The following ZNRF2 variants were observed in gnomAD, a reference collection of about 807,000 sequenced individuals.
ZNRF2 encodes zinc and ring finger 2, also known as E3 ubiquitin-protein ligase ZNRF2.
In ZNRF2, 16 loss-of-function variants were observed where a neutral mutation model predicts 20.4. The ratio of observed to expected loss-of-function variants is 0.79; its 90% CI spans 0.53 to 1.19. The LOEUF is 1.19. Ranked by LOEUF, ZNRF2 falls within the 50% of genes most tolerant of loss-of-function variation. The pLI, the probability that ZNRF2 is intolerant of heterozygous loss-of-function variation, is 0.00. For missense variants in ZNRF2, 363 were observed against 332.4 expected (o/e 1.09, Z -0.72); for synonymous variants, 178 against 144.9 (o/e 1.23, Z -1.64).
intron 2 of ZNRF2, among the ~76,000 whole-genome samples, chr7:30,329,904 C>CTAA (rs1384866727): frequency 6.6e-6 from 1 of 152,170 alleles, no homozygotes; most frequent in Non-Finnish European, 1.5e-5. Context: ...AATGGCTGTA[C>CTAA]TAATTTACAT....
At chr7:30,326,067 G>A (rs1486540129) in intron 2 of ZNRF2, among the ~76,000 whole-genome samples, 1 of 151,884 alleles carries the variant, frequency 6.6e-6, no homozygotes, top group African/African-American at 2.4e-5. Flanking sequence ...CACAGTCTTA[G>A]TATTCTGTAT....
At chr7:30,358,269 C>G (rs1800071153) in intron 3 of ZNRF2, among the ~76,000 whole-genome samples, 1 of 151,664 alleles carries the variant, frequency 6.6e-6, no homozygotes, top group African/African-American at 2.4e-5. Flanking sequence ...CATATTGCAA[C>G]AAGAAAAAAG....
chr7:30,360,255 G>A (rs1012679383), intron 3 of ZNRF2, among the ~76,000 whole-genome samples: 2 of 152,054 alleles, frequency 1.3e-5, no homozygotes, highest in Non-Finnish European at 2.9e-5. Flanking sequence ...ATTTGAAACA[G>A]TGTGATTAGT....
At chr7:30,346,792 T>A (rs1799886654) in intron 2 of ZNRF2, among the ~76,000 whole-genome samples, 1 of 152,114 alleles carries the variant, frequency 6.6e-6, no homozygotes, top group Non-Finnish European at 1.5e-5. Flanking sequence ...CTAGTATTTC[T>A]TTGATTGTTT....
rs139636709 is a variant in ZNRF2 at position 30,326,349 on chromosome 7, C to T, written c.565+2612C>T. Among the ~76,000 whole-genome samples the T allele has an allele frequency of 7.9e-5, 12 of 152,306 alleles. No individual in the cohort carries two copies. The East Asian group carries it at 2.3e-3, about 29-fold the overall frequency. ...TCCCCTCTTTGTGTCCATGTGCTCT[C>T]ATCATTTAGCTCCCACTTACAAGTG... On this transcript the variant is annotated intron_variant, in intron 2 of 4. Transcript: ENST00000323037.
chr7:30,327,051 G>A (rs900608696), intron 2 of ZNRF2, among the ~76,000 whole-genome samples: 1 of 151,900 alleles, frequency 6.6e-6, no homozygotes, highest in East Asian at 1.9e-4. Context: ...CAGATGCTTC[G>A]TTTGCAAAAA....
chr7:30,333,215 G>A (rs898415447), intron 2 of ZNRF2, among the ~76,000 whole-genome samples: 49 of 151,686 alleles, frequency 3.2e-4, no homozygotes, highest in African/African-American at 1.0e-3. Context: ...CACCACACTC[G>A]GCTAATTTTT....
chr7:30,305,710 A>G (rs1799189557), intron 1 of ZNRF2, among the ~76,000 whole-genome samples: 1 of 152,076 alleles, frequency 6.6e-6, no homozygotes, highest in African/African-American at 2.4e-5. Flanking sequence ...AGCAATAAAT[A>G]TTGTTTCTCT....
intron 4 of ZNRF2, among the ~76,000 whole-genome samples, chr7:30,363,881 G>A (rs1166383104): frequency 4.6e-5 from 7 of 152,122 alleles, no homozygotes; most frequent in African/African-American, 1.7e-4. Flanking sequence ...TTGGAGAGAT[G>A]ATATAAAGCA....
At chr7:30,354,376 A>G (rs1274518784) in intron 2 of ZNRF2, among the ~76,000 whole-genome samples, 3 of 152,170 alleles carry the variant, frequency 2.0e-5, no homozygotes, top group Non-Finnish European at 4.4e-5. Flanking sequence ...CTTATTCTGC[A>G]GAAGGTGCCC....
At chr7:30,354,489 T>C (rs1800006695) in intron 2 of ZNRF2, among the ~76,000 whole-genome samples, 1 of 152,136 alleles carries the variant, frequency 6.6e-6, no homozygotes, top group South Asian at 2.1e-4. Context: ...CTCAAATGAA[T>C]AATTAAAGGG....
chr7:30,301,934 C>G (rs1799123653), intron 1 of ZNRF2, among the ~76,000 whole-genome samples: 1 of 152,182 alleles, frequency 6.6e-6, no homozygotes, highest in South Asian at 2.1e-4. Flanking sequence ...GAGGCTGCTT[C>G]ACTGTTGCCA....
chr7:30,346,995 C>T (rs1049870107), intron 2 of ZNRF2, among the ~76,000 whole-genome samples: 6 of 151,932 alleles, frequency 3.9e-5, no homozygotes, highest in Admixed American at 6.6e-5. Flanking sequence ...TGAAAAATTA[C>T]GGGTTTTTTC....
intron 2 of ZNRF2, among the ~76,000 whole-genome samples, chr7:30,330,654 T>TC (rs1029958317): frequency 1.8e-4 from 27 of 152,154 alleles, no homozygotes; most frequent in African/African-American, 6.5e-4. Context: ...TATAAGCCTA[T>TC]CTTCTGCCTT....
Position 30,285,168 on chromosome 7 carries a change from G to A in ZNRF2, c.-190G>A, listed in dbSNP as rs1317274714. ...GCGCCCGCGTCAGGCCGTCGGCCTC[G>A]CCCGCCGCCCCAAGAAGAGCGCGCC... On this transcript the variant is annotated 5_prime_UTR_variant, in exon 1 of 5. Coordinates refer to ENST00000323037, the MANE Select transcript of ZNRF2 (RefSeq NM_147128.4). The A allele has an allele frequency of 2.3e-6, 1 of 427,434 alleles. No homozygotes were observed. Among genetic ancestry groups the A allele is most frequent in the Non-Finnish European group, 4.3e-6 (1 of 231,202 alleles). The allele number at this position is 427,434 out of a possible 1,614,324, so 26.5% of individuals were successfully genotyped here. A position where few individuals can be genotyped will look rare whatever the true frequency, so the allele number is the denominator to read the frequency against.
intron 1 of ZNRF2, among the ~76,000 whole-genome samples, chr7:30,320,726 A>C (rs1189280095): frequency 1.3e-5 from 2 of 152,208 alleles, no homozygotes; most frequent in Non-Finnish European, 2.9e-5. Flanking sequence ...TTTTCAATTT[A>C]CCATCCTAAG....
At chr7:30,324,588 A>C (rs75278112) in intron 2 of ZNRF2, among the ~76,000 whole-genome samples, 5,239 of 151,724 alleles carry the variant, frequency 0.035, 138 homozygotes, top group Middle Eastern at 0.088. Flanking sequence ...AACAAACAAA[A>C]AAACAGATAC....
At chr7:30,331,586 C>T (rs760233028) in intron 2 of ZNRF2, among the ~76,000 whole-genome samples, 1 of 152,012 alleles carries the variant, frequency 6.6e-6, no homozygotes, top group East Asian at 1.9e-4. Context: ...AGAGCATACA[C>T]CATACATATA....
At chr7:30,349,145 A>T (rs1449221615) in intron 2 of ZNRF2, among the ~76,000 whole-genome samples, 1 of 152,144 alleles carries the variant, frequency 6.6e-6, no homozygotes, top group Non-Finnish European at 1.5e-5. Context: ...CCTTTTACAC[A>T]TTTTCACATT....
Sources: gnomAD v4.1 joint callset for allele counts (sites outside exome capture counted in the v4.1 genomes callset) on GRCh38, gnomAD v4.1.1 for gene constraint, MANE v1.5 for transcripts, NCBI Gene and HGNC (gene_info 2026-07-23, HGNC 2026-07-21) for gene names.